The following FAM180A variants were observed in gnomAD, a reference collection of about 807,000 sequenced individuals.
FAM180A encodes the protein family with sequence similarity 180 member A.
FAM180A carries 14 observed loss-of-function variants against 15.3 expected under a neutral mutation model. The observed-to-expected ratio is 0.92, with a 90% confidence interval of 0.61 to 1.43. FAM180A has a LOEUF of 1.43. FAM180A is among the 40% of genes most tolerant of loss of function. The pLI is 0.00. For synonymous variants in FAM180A, 90 were observed against 96.8 expected (o/e 0.93, Z 0.41); for missense variants, 200 against 220.8 (o/e 0.91, Z 0.60).
At chr7:135,739,955 G>A (rs956409531) in intron 1 of FAM180A, among the ~76,000 whole-genome samples, 8 of 152,306 alleles carry the variant, frequency 5.3e-5, no homozygotes, top group African/African-American at 1.9e-4. Context: ...ACTAATGGTC[G>A]CCTCGGCCAG....
rs1796828436 is a variant in FAM180A at position 135,733,869 on chromosome 7, A to G, written c.*106T>C. 3 of 1,442,672 alleles carry G rather than the reference A, an allele frequency of 2.1e-6. No individual in the cohort carries two copies. The highest frequency in any genetic ancestry group is 9.1e-7 in the Non-Finnish European group (1 of 1,098,948). 89.4% of individuals were successfully genotyped at this position (1,442,672 alleles called of 1,614,324 possible). A position where few individuals can be genotyped will look rare whatever the true frequency, so the allele number is the denominator to read the frequency against. On this transcript the variant is annotated 3_prime_UTR_variant, in exon 3 of 4. Transcript: ENST00000338588. ...TGTTTGATCTCTGCTGCTCTGTGTC[A>G]GCGGTAAGAGTTTTGTTGCTGGTCT...
At chr7:135,742,403 A>T (rs915538935) in intron 1 of FAM180A, among the ~76,000 whole-genome samples, 4 of 152,218 alleles carry the variant, frequency 2.6e-5, no homozygotes, top group African/African-American at 9.7e-5. Flanking sequence ...AAAGCTGGAA[A>T]CTAGACTTGC....
intron 1 of FAM180A, among the ~76,000 whole-genome samples, chr7:135,744,758 G>T (rs890739989): frequency 6.6e-6 from 1 of 152,204 alleles, no homozygotes; most frequent in Non-Finnish European, 1.5e-5. Flanking sequence ...CTTGCAGCTG[G>T]GGGAGCTGGG....
intron 1 of FAM180A, among the ~76,000 whole-genome samples, chr7:135,746,288 A>G (rs1361065371): frequency 1.3e-5 from 2 of 152,096 alleles, no homozygotes; most frequent in Non-Finnish European, 2.9e-5. Flanking sequence ...TTTAATGAAA[A>G]ATTTTTATTT....
Position 135,729,660 on chromosome 7 carries a change from G to A in FAM180A, c.*951C>T. On this transcript the variant is annotated 3_prime_UTR_variant, in exon 4 of 4. Coordinates refer to ENST00000338588, the MANE Select transcript of FAM180A (RefSeq NM_205855.4). Reference sequence around the variant, plus strand: ...ATGAATATTTGTTAAATAAAAATAGGTACAGCAAGTGTACAATAAGACCAG... The same window carrying A: ...ATGAATATTTGTTAAATAAAAATAGATACAGCAAGTGTACAATAAGACCAG... The A allele has an allele frequency of 1.0e-6, 1 of 981,774 alleles. No individual in the cohort carries two copies. The highest frequency in any genetic ancestry group is 1.2e-6 in the Non-Finnish European group (1 of 826,754). The allele number at this position is 981,774 out of a possible 1,614,324, so 60.8% of individuals were successfully genotyped here. A position where few individuals can be genotyped will look rare whatever the true frequency, so the allele number is the denominator to read the frequency against.
chr7:135,747,982 G>A (rs1280160071), intron 1 of FAM180A, among the ~76,000 whole-genome samples: 1 of 152,158 alleles, frequency 6.6e-6, no homozygotes, highest in African/African-American at 2.4e-5. Context: ...GAGCTGGTGG[G>A]TGCAGTGGAG....
chr7:135,741,896 C>T (rs938604639), intron 1 of FAM180A, among the ~76,000 whole-genome samples: 7 of 151,840 alleles, frequency 4.6e-5, no homozygotes, highest in African/African-American at 1.7e-4. Context: ...GGATCAATAT[C>T]TAGAAGCTAA....
intron 1 of FAM180A, among the ~76,000 whole-genome samples, chr7:135,747,032 G>A (rs532604841): frequency 9.9e-5 from 15 of 152,274 alleles, no homozygotes; most frequent in African/African-American, 2.6e-4. Flanking sequence ...CCTGGGAGGC[G>A]GAGGTTGCAG....
rs1796825303 is a variant in FAM180A at position 135,733,648 on chromosome 7, G to A, written c.*327C>T. On this transcript the variant is annotated splice_region_variant and 3_prime_UTR_variant, in exon 3 of 4. Coordinates refer to ENST00000338588, the MANE Select transcript of FAM180A (RefSeq NM_205855.4). ...AGGCGTGAGCCTCTGTGCCCGGCCT[G>A]TTCTCACTCTTGAGTGTGTGGCCAC... 1 of 1,085,438 alleles carries A rather than the reference G, an allele frequency of 9.2e-7. No individual in the cohort carries two copies. The highest frequency in any genetic ancestry group is 1.7e-5 in the African/African-American group (1 of 60,524). The allele number at this position is 1,085,438 out of a possible 1,614,324, so 67.2% of individuals were successfully genotyped here. A position where few individuals can be genotyped will look rare whatever the true frequency, so the allele number is the denominator to read the frequency against.
intron 1 of FAM180A, among the ~76,000 whole-genome samples, chr7:135,745,748 T>G (rs1363050794): frequency 6.0e-5 from 7 of 117,408 alleles, no homozygotes; most frequent in East Asian, 2.3e-4. Context: ...AGCAGGAGGG[T>G]GGGAGGATGG....
chr7:135,744,732 C>A (rs1423379103), intron 1 of FAM180A, among the ~76,000 whole-genome samples: 1 of 152,178 alleles, frequency 6.6e-6, no homozygotes, highest in Admixed American at 6.5e-5. Context: ...CCTGGGGGAT[C>A]AAATTCAACT....
chr7:135,739,876 ACCCG>A (rs1486385016), intron 1 of FAM180A, among the ~76,000 whole-genome samples: 17 of 152,232 alleles, frequency 1.1e-4, no homozygotes, highest in Admixed American at 2.6e-4. Flanking sequence ...TATATTCTGT[ACCCG>A]TGGCAGAGCC....
At chr7:135,748,130 T>G (rs1470917564) in intron 1 of FAM180A, among the ~76,000 whole-genome samples, 2 of 152,216 alleles carry the variant, frequency 1.3e-5, no homozygotes, top group East Asian at 3.9e-4. Flanking sequence ...TGCCCATCAC[T>G]CCATCATTTT....
rs757098486 is a variant in FAM180A at position 135,734,179 on chromosome 7, C to T, written c.318G>A (p.Arg106=). The T allele has an allele frequency of 1.4e-5, 23 of 1,614,058 alleles. 1 individual carries two copies. The South Asian group carries it at 2.4e-4, about 17-fold the overall frequency. ...VIPKSIPDIR[R]LSASLSSHPG... is the part of the protein sequence containing the mutation. ...GGTGGCTGGAGAGGCTGGCGCTGAG[C>T]CGGCGGATGTCTGGGATGCTCTTGG... is the stretch of plus-strand genomic sequence containing the variant. The change falls in exon 3 of 4, where the codon CGG becomes CGA. Residue 106 remains arginine, a synonymous_variant. Transcript: ENST00000338588.
intron 1 of FAM180A, among the ~76,000 whole-genome samples, chr7:135,745,958 G>C (rs1367107885): frequency 6.6e-6 from 1 of 151,028 alleles, no homozygotes; most frequent in African/African-American, 2.4e-5. Flanking sequence ...ATTCAGTCTT[G>C]AAAAAAAAGA....
At chr7:135,734,894 G>GT (rs1308598286) in intron 2 of FAM180A, among the ~76,000 whole-genome samples, 2 of 152,066 alleles carry the variant, frequency 1.3e-5, no homozygotes, top group Non-Finnish European at 2.9e-5. Flanking sequence ...CTGATTTTCT[G>GT]TTTTTTGTTT....
intron 1 of FAM180A, among the ~76,000 whole-genome samples, chr7:135,737,613 GA>G (rs150431266): frequency 1.2e-4 from 15 of 127,142 alleles, no homozygotes; most frequent in South Asian, 5.1e-4. Context: ...AAAAAAGAAA[GA>G]AAAAAAAAAG....
rs143588470 is a variant in FAM180A at position 135,732,689 on chromosome 7, TCACACACACACACACACACACA to T, written c.*329+935_*329+956del. Reference sequence around the variant, plus strand: ...GCCAGGATGGCAGAGCGAGACTCCATCACACACACACACACACACACACACACACACACACACACACACACAC... The same window carrying T: ...GCCAGGATGGCAGAGCGAGACTCCATCACACACACACACACACACACACAC... On this transcript the variant is annotated intron_variant, in intron 3 of 3. Coordinates refer to ENST00000338588, the MANE Select transcript of FAM180A (RefSeq NM_205855.4). 7.2e-4 allele frequency among the ~76,000 whole-genome samples: 102 copies of T among 141,932 alleles called. 1 individual carries two copies. The highest frequency in any genetic ancestry group is 2.5e-3 in the Admixed American group (35 of 14,162). The allele number at this position is 141,932 out of a possible 152,430, so 93.1% of individuals were successfully genotyped here.
At chr7:135,733,610 G>A (rs1410032759) in intron 3 of FAM180A, 36 bp downstream of exon 3, 54 of 996,488 alleles carry the variant, frequency 5.4e-5, no homozygotes, top group Non-Finnish European at 6.2e-5. Flanking sequence ...GCCTCCTAAA[G>A]TGCTGGGATT....
Sources: gnomAD v4.1 joint callset for allele counts (sites outside exome capture counted in the v4.1 genomes callset) on GRCh38, gnomAD v4.1.1 for gene constraint, MANE v1.5 for transcripts, NCBI Gene and HGNC (gene_info 2026-07-23, HGNC 2026-07-21) for gene names.